SULF2: variants seen among roughly 807,000 people sequenced by gnomAD.
The protein encoded by SULF2 is extracellular sulfatase Sulf-2.
SULF2 carries 52 observed loss-of-function variants against 107.7 expected under a neutral mutation model. The ratio of observed to expected loss-of-function variants is 0.48; its 90% CI spans 0.39 to 0.61. The LOEUF (loss-of-function observed/expected upper bound fraction) is 0.61, where lower values mean the gene tolerates loss of function less well. Among genes scored for constraint, SULF2 ranks in the 20% least tolerant of loss-of-function variants. The pLI is 0.00. For synonymous variants in SULF2, 460 were observed against 464.3 expected (o/e 0.99, Z 0.12); for missense variants, 993 against 1,177.3 (o/e 0.84, Z 2.29).
chr20:47,785,435 G>GCGCCGCCGCTGCCGCTGC lies in SULF2; in HGVS notation c.-211_-194dup, dbSNP rs1425316726. The stretch of plus-strand genomic sequence containing the variant: ...CGGGCCGCTGGGCGCAGGGGACTCC[G>GCGCCGCCGCTGCCGCTGC]CGCCGCCGCTGCCGCTGCCGCCGCC... On this transcript the variant is annotated 5_prime_UTR_variant, in exon 1 of 21. Coordinates refer to ENST00000688720, the MANE Select transcript of SULF2 (RefSeq NM_001387048.1). 6.6e-6 allele frequency: 1 copy of GCGCCGCCGCTGCCGCTGC among 151,530 alleles called. No individual in the cohort carries two copies. The highest frequency in any genetic ancestry group is 2.6e-5 in the African/African-American group (1 of 38,160). The allele number at this position is 151,530 out of a possible 1,614,324, so 9.4% of individuals were successfully genotyped here.
intron 3 of SULF2, among the ~76,000 whole-genome samples, chr20:47,731,104 T>C (rs559734623): frequency 6.6e-6 from 1 of 151,522 alleles, no homozygotes; most frequent in South Asian, 2.1e-4. Context: ...AGCCACCATG[T>C]CCAGACCTCC....
intron 19 of SULF2, 106 bp downstream of exon 19, chr20:47,659,591 G>T: frequency 7.4e-7 from 1 of 1,356,744 alleles, no homozygotes; most frequent in Non-Finnish European, 1.1e-6. Context: ...AGACCAGAGG[G>T]AAGGGCAGTT....
rs1448146678 is a variant in SULF2 at position 47,744,450 on chromosome 20, G to A, written c.176-7508C>T. On this transcript the variant is annotated intron_variant, in intron 2 of 20. Transcript: ENST00000688720. ...TAAAAAATAAATAAATGCAGCAAGA[G>A]GGCCACAGGTTTCTAGAACAATGGG... Among the ~76,000 whole-genome samples the A allele has an allele frequency of 2.0e-5, 3 of 152,294 alleles. No homozygotes were observed. The East Asian group carries it at 5.8e-4, about 29-fold the overall frequency.
intron 3 of SULF2, among the ~76,000 whole-genome samples, chr20:47,727,057 A>T (rs1326745915): frequency 1.9e-5 from 1 of 51,308 alleles, no homozygotes; most frequent in African/African-American, 3.8e-5. Context: ...TGCAGCCTTT[A>T]TGGGGGGGGG....
chr20:47,659,277 C>A (rs750278906), intron 20 of SULF2, 122 bp downstream of exon 20: 5 of 837,188 alleles, frequency 6.0e-6, no homozygotes, highest in Admixed American at 6.0e-5. Flanking sequence ...ACTTCCCCCC[C>A]ACCCTCATCA....
At position 47,678,649 on chromosome 20, in the gene SULF2, T is replaced by A. The variant is rs1335676370; in HGVS notation, c.1193+27A>T. The stretch of plus-strand genomic sequence containing the variant: ...CCCGCAGGTCAATGTCCCGGCCCCC[T>A]CAACACCTGCCCTGCTCCGTCCTCA... On this transcript the variant is annotated intron_variant, in intron 8 of 20. Coordinates refer to ENST00000688720, the MANE Select transcript of SULF2 (RefSeq NM_001387048.1). The surrounding 1 kb of genome is among the most constrained non-coding windows in gnomAD (Gnocchi z 4.5). The A allele has an allele frequency of 6.2e-7, 1 of 1,612,456 alleles. No homozygotes were observed. The highest frequency in any genetic ancestry group is 1.1e-5 in the South Asian group (1 of 90,988).
At chr20:47,768,565 A>G (rs1405329592) in intron 1 of SULF2, among the ~76,000 whole-genome samples, 1 of 152,246 alleles carries the variant, frequency 6.6e-6, no homozygotes, top group African/African-American at 2.4e-5. Context: ...GGCACGGCCT[A>G]CCAGCCCACG....
Position 47,678,510 on chromosome 20 carries a change from G to GACCATGCTTCTCTCCCACGGGT in SULF2, c.1193+165_1193+166insACCCGTGGGAGAGAAGCATGGT. ...TGGGAAGACAGAATCTCGGAGAGGG[G>GACCATGCTTCTCTCCCACGGGT]ACCATGCTTCTCTCCCACAGCAGGT... is the stretch of plus-strand genomic sequence containing the variant. On this transcript the variant is annotated intron_variant, in intron 8 of 20. Coordinates refer to ENST00000688720, the MANE Select transcript of SULF2 (RefSeq NM_001387048.1). This position sits in a 1 kb window ranked among gnomAD's most constrained non-coding sequence, Gnocchi z 4.5. 5 of 878,888 alleles carry GACCATGCTTCTCTCCCACGGGT rather than the reference G, an allele frequency of 5.7e-6. No individual in the cohort carries two copies. The highest frequency in any genetic ancestry group is 8.8e-6 in the Non-Finnish European group (5 of 570,446). 54.4% of individuals were successfully genotyped at this position (878,888 alleles called of 1,614,324 possible).
intron 3 of SULF2, among the ~76,000 whole-genome samples, chr20:47,723,647 G>A (rs145996066): frequency 1.8e-4 from 28 of 152,278 alleles, no homozygotes; most frequent in African/African-American, 6.5e-4. Context: ...CGTGAACCCC[G>A]TTGTGAACTG....
At position 47,690,157 on chromosome 20, in the gene SULF2, A is replaced by C. The variant is rs115048626; in HGVS notation, c.706T>G (p.Ser236Ala). ...TGAGATGCGTTTGGGAAGAGGCGTG[A>C]ATATTGTGGGGCTGAATCCTCAGGG... ...HGPEDSAPQY[S>A]RLFPNASQHI... Residue 236 changes from serine to alanine, a missense_variant, in exon 5 of 21, where the codon TCA (serine) becomes GCA (alanine). Around this residue, in one of 3 missense-constraint regions of SULF2, gnomAD observed 388 missense variants for 449.2 expected, o/e 0.86. Transcript: ENST00000688720. The C allele has an allele frequency of 3.7e-4, 575 of 1,535,566 alleles. 1 individual carries two copies. The highest frequency in any genetic ancestry group is 4.7e-4 in the Non-Finnish European group (531 of 1,136,318).
rs1454432315 is a variant in SULF2, at chr20:47,785,469, C to T, written c.-227G>A. The T allele has an allele frequency of 1.1e-4, 18 of 159,390 alleles. No individual in the cohort carries two copies. Among genetic ancestry groups the T allele is most frequent in the East Asian group, 5.5e-4 (3 of 5,492 alleles). The allele number at this position is 159,390 out of a possible 1,614,324, so 9.9% of individuals were successfully genotyped here. A position where few individuals can be genotyped will look rare whatever the true frequency, so the allele number is the denominator to read the frequency against. On this transcript the variant is annotated 5_prime_UTR_variant, in exon 1 of 21. Coordinates refer to ENST00000688720, the MANE Select transcript of SULF2 (RefSeq NM_001387048.1). ...CTGCCGCTGCCGCCGCCGCCGCCGC[C>T]GCTGCCGCTGCTGCATCCCCCGGCG...
chr20:47,718,829 T>G (rs1025718777), intron 3 of SULF2, among the ~76,000 whole-genome samples: 1 of 152,130 alleles, frequency 6.6e-6, no homozygotes, highest in African/African-American at 2.4e-5. Context: ...AGGTTAGACA[T>G]TCAGGTGGAA....
intron 2 of SULF2, among the ~76,000 whole-genome samples, chr20:47,737,695 T>C (rs1018013157): frequency 2.0e-5 from 3 of 151,800 alleles, no homozygotes; most frequent in Non-Finnish European, 4.4e-5. Flanking sequence ...TCCTGAGTAC[T>C]GATCATACCC....
chr20:47,779,964 C>T (rs946737148), intron 1 of SULF2, among the ~76,000 whole-genome samples: 15 of 151,524 alleles, frequency 9.9e-5, no homozygotes, highest in African/African-American at 3.6e-4. Context: ...CTGTATTTCT[C>T]ATCTCTGACG....
At chr20:47,725,411 T>C (rs1255642270) in intron 3 of SULF2, among the ~76,000 whole-genome samples, 5 of 152,198 alleles carry the variant, frequency 3.3e-5, no homozygotes, top group Non-Finnish European at 7.4e-5. Context: ...TGGAATACAA[T>C]GCAATGTGGG....
At chr20:47,658,943 T>C (rs774978477) in intron 20 of SULF2, among the ~76,000 whole-genome samples, 3 of 152,180 alleles carry the variant, frequency 2.0e-5, no homozygotes, top group Admixed American at 1.3e-4. Flanking sequence ...CCCTTTAGAA[T>C]AGAGGTGAAC....
chr20:47,751,963 GTCAC>G (rs1168684096), intron 2 of SULF2, among the ~76,000 whole-genome samples: 16 of 152,324 alleles, frequency 1.1e-4, no homozygotes, highest in African/African-American at 3.6e-4. Context: ...ATTGACAAGT[GTCAC>G]TCAAATTATG....
At position 47,680,514 on chromosome 20, in the gene SULF2, TGCCTTCCCC is replaced by T. The variant is rs2087789156; in HGVS notation, c.1065-1719_1065-1711del. On this transcript the variant is annotated intron_variant, in intron 7 of 20. Coordinates refer to ENST00000688720, the MANE Select transcript of SULF2 (RefSeq NM_001387048.1). This position sits in a 1 kb window ranked among gnomAD's most constrained non-coding sequence, Gnocchi z 4.2. ...GGACAGTCCCGTCAGAGCATCTGAG[TGCCTTCCCC>T]GCTAGTTCCCTGGGGACCAGGGCAG... Among the ~76,000 whole-genome samples, 1 of 152,220 alleles carries T rather than the reference TGCCTTCCCC, an allele frequency of 6.6e-6. No homozygotes were observed. Among genetic ancestry groups the T allele is most frequent in the Non-Finnish European group, 1.5e-5 (1 of 68,032 alleles).
intron 1 of SULF2, among the ~76,000 whole-genome samples, chr20:47,759,478 G>C (rs2090369665): frequency 6.6e-6 from 1 of 152,180 alleles, no homozygotes; most frequent in African/African-American, 2.4e-5. Context: ...GATCACCTGA[G>C]GTCAGGAGTT....
Sources: gnomAD v4.1 joint callset for allele counts (sites outside exome capture counted in the v4.1 genomes callset) on GRCh38, gnomAD v4.1.1 for gene constraint, gnomAD v4.1.1 regional missense constraint, Gnocchi (gnomAD v3.1) non-coding constraint, MANE v1.5 for transcripts, NCBI Gene and HGNC (gene_info 2026-07-23, HGNC 2026-07-21) for gene names.